Variants in SLC6A5 observed in about 807,000 individuals in gnomAD.
SLC6A5 encodes solute carrier family 6 member 5, also known as sodium- and chloride-dependent glycine transporter 2.
Under a neutral mutation model 90.5 loss-of-function variants are expected in SLC6A5, and 58 were observed. The observed-to-expected ratio is 0.64, with a 90% confidence interval of 0.52 to 0.80. SLC6A5 has a LOEUF of 0.80. SLC6A5 is among the 30% of genes least tolerant of loss of function. The pLI is 0.00. For synonymous variants in SLC6A5, 427 were observed against 401.4 expected (o/e 1.06, Z -0.76); for missense variants, 1,015 against 1,017.6 (o/e 1.00, Z 0.03).
chr11:20,607,629 A>T lies in SLC6A5; in HGVS notation c.962A>T (p.Lys321Ile). The T allele has an allele frequency of 3.7e-6, 6 of 1,614,116 alleles. No individual in the cohort carries two copies. The highest frequency in any genetic ancestry group is 5.1e-6 in the Non-Finnish European group (6 of 1,179,990). Residue 321 changes from lysine (K) to isoleucine (I), a missense_variant, in exon 5 of 16, where the codon AAA becomes ATA. Transcript: ENST00000525748. ...CNNPWNTPECKDKTKLLLDSC... is the reference protein window; with the variant it reads ...CNNPWNTPECIDKTKLLLDSC... Reference sequence around the variant, plus strand: ...AACCCTTGGAATACGCCAGAATGCAAAGATAAAACCAAACTTTTATTAGGT... The same window carrying T: ...AACCCTTGGAATACGCCAGAATGCATAGATAAAACCAAACTTTTATTAGGT...
chr11:20,600,335 G>GGAAGAAGAGGAAGAAGAA lies in SLC6A5; in HGVS notation c.3+668_3+669insGGAAGAAGAAGAAGAAGA, dbSNP rs1238147135. The stretch of plus-strand genomic sequence containing the variant: ...AATAGTTACGCAAAAAAGAAGAAGA[G>GGAAGAAGAGGAAGAAGAA]GAAGAAGAAGAAGAAGAAGAAGAAG... On this transcript the variant is annotated intron_variant, in intron 1 of 15. Transcript: ENST00000525748. Among the ~76,000 whole-genome samples the GGAAGAAGAGGAAGAAGAA allele has an allele frequency of 3.9e-3, 343 of 87,858 alleles. 5 individuals carry two copies. Among genetic ancestry groups the GGAAGAAGAGGAAGAAGAA allele is most frequent in the Non-Finnish European group, 5.3e-3 (242 of 45,246 alleles). The allele number at this position is 87,858 out of a possible 152,430, so 57.6% of individuals were successfully genotyped here.
Position 20,604,337 on chromosome 11 carries a change from CTG to C in SLC6A5, c.593_594del (p.Leu198ArgfsTer125). The C allele has an allele frequency of 6.2e-7, 1 of 1,614,018 alleles. No homozygotes were observed. Among genetic ancestry groups the C allele is most frequent in the Non-Finnish European group, 8.5e-7 (1 of 1,179,928 alleles). On this transcript the variant is annotated frameshift_variant, in exon 3 of 16. Coordinates refer to ENST00000525748, the MANE Select transcript of SLC6A5 (RefSeq NM_004211.5). LOFTEE classifies it high-confidence loss of function. ...GGCCCGAGGGAACTGGTCCAGCAAA[CTG>C]GACTTCATCCTGTCCATGGTGGGGT... ...NKARGNWSSK[L>X]DFILSMVGYA...
rs1435241480 is a variant in SLC6A5 at position 20,599,690 on chromosome 11, T to C, written c.3+15T>C. 3.7e-6 allele frequency: 6 copies of C among 1,614,044 alleles called. No homozygotes were observed. Among genetic ancestry groups the C allele is most frequent in the Non-Finnish European group, 5.1e-6 (6 of 1,180,022 alleles). On this transcript the variant is annotated intron_variant, in intron 1 of 15. Transcript: ENST00000525748. The stretch of plus-strand genomic sequence containing the variant: ...TGTCAGACATGGTGAGTGTTTGCTT[T>C]TGTTCTTTCAAGAGGAAAGGGGGCT...
intron 5 of SLC6A5, among the ~76,000 whole-genome samples, chr11:20,613,652 CT>C (rs3045403): frequency 0.049 from 6,231 of 126,292 alleles, 464 homozygotes; most frequent in African/African-American, 0.17. Context: ...CTAAATAATT[CT>C]TTTTTTTTTT....
At chr11:20,600,613 G>A (rs1490156006) in intron 1 of SLC6A5, among the ~76,000 whole-genome samples, 1 of 152,186 alleles carries the variant, frequency 6.6e-6, no homozygotes, top group African/African-American at 2.4e-5. Flanking sequence ...GAGGTGGGTT[G>A]TGGAGCGCTG....
intron 8 of SLC6A5, 48 bp from the exon 9 acceptor site, chr11:20,627,932 G>T (rs372591741): frequency 1.4e-6 from 2 of 1,436,930 alleles, no homozygotes. Context: ...CTCCCCTGGC[G>T]CCAGTCTCCT....
intron 5 of SLC6A5, among the ~76,000 whole-genome samples, chr11:20,610,725 T>G (rs1852678299): frequency 6.6e-6 from 1 of 152,170 alleles, no homozygotes; most frequent in Non-Finnish European, 1.5e-5. Context: ...AAGAAGATAC[T>G]TTGAATAGGA....
chr11:20,654,999 G>A lies in SLC6A5; in HGVS notation c.*131G>A. On this transcript the variant is annotated 3_prime_UTR_variant, in exon 16 of 16. Transcript: ENST00000525748. ...TCTTGGTTCACATCCACGCATGAGA[G>A]TGATTATGTAGAAAAGTAGGCATAG... 1 of 993,990 alleles carries A rather than the reference G, an allele frequency of 1.0e-6. No homozygotes were observed. The highest frequency in any genetic ancestry group is 1.6e-6 in the Non-Finnish European group (1 of 618,816). The allele number at this position is 993,990 out of a possible 1,614,324, so 61.6% of individuals were successfully genotyped here.
chr11:20,635,827 A>G lies in SLC6A5; in HGVS notation c.1625-480A>G, dbSNP rs574568308. On this transcript the variant is annotated intron_variant, in intron 10 of 15. Coordinates refer to ENST00000525748, the MANE Select transcript of SLC6A5 (RefSeq NM_004211.5). ...TACCAGCATCCCTTGCCTCCACCCC[A>G]CTAGATGCCAGTAGTTATCCTACCC... 1.9e-4 allele frequency among the ~76,000 whole-genome samples: 29 copies of G among 152,158 alleles called. 1 individual carries two copies. In the South Asian group the frequency reaches 5.6e-3, roughly 29 times the overall value.
intron 14 of SLC6A5, among the ~76,000 whole-genome samples, chr11:20,648,351 T>C (rs1053685113): frequency 1.3e-5 from 2 of 152,190 alleles, no homozygotes; most frequent in Non-Finnish European, 2.9e-5. Context: ...AATCAAAACA[T>C]CTCAATTTCT....
At chr11:20,610,605 G>T (rs1401762324) in intron 5 of SLC6A5, among the ~76,000 whole-genome samples, 1 of 152,222 alleles carries the variant, frequency 6.6e-6, no homozygotes, top group African/African-American at 2.4e-5. Flanking sequence ...GATATGGAGT[G>T]TTCTTTAATT....
chr11:20,627,673 G>A (rs918237580), intron 8 of SLC6A5, among the ~76,000 whole-genome samples: 7 of 152,208 alleles, frequency 4.6e-5, no homozygotes, highest in African/African-American at 1.7e-4. Context: ...TTCTGAGAGT[G>A]TATTGACCTA....
At chr11:20,612,224 A>G (rs1590159996) in intron 5 of SLC6A5, among the ~76,000 whole-genome samples, 1 of 152,190 alleles carries the variant, frequency 6.6e-6, no homozygotes, top group Non-Finnish European at 1.5e-5. Context: ...TGAAGACTAG[A>G]GATACTCTCT....
At chr11:20,613,298 A>T (rs185345832) in intron 5 of SLC6A5, among the ~76,000 whole-genome samples, 238 of 152,348 alleles carry the variant, frequency 1.6e-3, no homozygotes, top group African/African-American at 5.7e-3. Context: ...TAAACGTGGT[A>T]ACTGCCATAT....
chr11:20,622,466 C>T (rs1852910205), intron 7 of SLC6A5, among the ~76,000 whole-genome samples: 1 of 152,176 alleles, frequency 6.6e-6, no homozygotes, highest in Non-Finnish European at 1.5e-5. Flanking sequence ...CCTGGCCCTG[C>T]CATACACATT....
At chr11:20,617,430 C>T (rs1246193467) in intron 6 of SLC6A5, among the ~76,000 whole-genome samples, 1 of 152,196 alleles carries the variant, frequency 6.6e-6, no homozygotes, top group African/African-American at 2.4e-5. Context: ...GTTTCTGTTG[C>T]ACTTCTCCTG....
intron 7 of SLC6A5, among the ~76,000 whole-genome samples, chr11:20,622,353 G>C (rs867540): frequency 6.6e-6 from 1 of 151,976 alleles, no homozygotes; most frequent in Non-Finnish European, 1.5e-5. Flanking sequence ...ATTGAGAGGC[G>C]CTCACTCTCA....
chr11:20,641,120 G>A (rs1853304890), intron 13 of SLC6A5, among the ~76,000 whole-genome samples: 1 of 152,196 alleles, frequency 6.6e-6, no homozygotes, highest in South Asian at 2.1e-4. Flanking sequence ...TTGTGTAGAA[G>A]TGGTCCCTTT....
At chr11:20,627,765 A>G (rs1853027065) in intron 8 of SLC6A5, among the ~76,000 whole-genome samples, 1 of 152,130 alleles carries the variant, frequency 6.6e-6, no homozygotes. Flanking sequence ...TGAGTTCCTC[A>G]CCTTTGATAG....
Sources: gnomAD v4.1 joint callset for allele counts (sites outside exome capture counted in the v4.1 genomes callset) on GRCh38, gnomAD v4.1.1 for gene constraint, MANE v1.5 for transcripts, NCBI Gene and HGNC (gene_info 2026-07-23, HGNC 2026-07-21) for gene names.